Variants in FCHSD2 observed in about 807,000 individuals in gnomAD.
The protein encoded by FCHSD2 is F-BAR and double SH3 domains protein 2.
Under a neutral mutation model 108.1 loss-of-function variants are expected in FCHSD2, and 38 were observed. The observed-to-expected ratio is 0.35, with a 90% confidence interval of 0.27 to 0.46. FCHSD2 has a LOEUF of 0.46. Among genes scored for constraint, FCHSD2 ranks in the 20% least tolerant of loss-of-function variants. The pLI, the probability that FCHSD2 is intolerant of heterozygous loss-of-function variation, is 1.00. For synonymous variants in FCHSD2, 279 were observed against 314.7 expected (o/e 0.89, Z 1.20); for missense variants, 751 against 897.8 (o/e 0.84, Z 2.09).
In FCHSD2 at chr11:73,066,810, G is replaced by T. The variant is rs375264770; in HGVS notation, c.165+16885C>A. On this transcript the variant is annotated intron_variant, in intron 3 of 19. Transcript: ENST00000409418. ...ATTATCTCACGCCAGTTAGAATGGC[G>T]ATCATTAAAAAGTCAGGAAACAACA... 1.6e-3 allele frequency among the ~76,000 whole-genome samples: 239 copies of T among 152,230 alleles called. 5 individuals carry two copies. The South Asian group carries it at 0.048, about 31-fold the overall frequency.
Position 73,142,098 on chromosome 11 carries a change from T to G in FCHSD2, c.-221A>C. Reference sequence around the variant, plus strand: ...ACGAGGGAGGAGCACCGGGAAGGCTTGGGGCCCGGGCGGCCCGGGCGGCCC... The same window carrying G: ...ACGAGGGAGGAGCACCGGGAAGGCTGGGGGCCCGGGCGGCCCGGGCGGCCC... On this transcript the variant is annotated 5_prime_UTR_variant, in exon 1 of 20. Coordinates refer to ENST00000409418, the MANE Select transcript of FCHSD2 (RefSeq NM_014824.3). 42 of 394,374 alleles carry G rather than the reference T, an allele frequency of 1.1e-4. No individual in the cohort carries two copies. The highest frequency in any genetic ancestry group is 1.5e-4 in the East Asian group (3 of 19,698). 24.4% of individuals were successfully genotyped at this position (394,374 alleles called of 1,614,324 possible). A position where few individuals can be genotyped will look rare whatever the true frequency, so the allele number is the denominator to read the frequency against.
chr11:72,909,863 T>C (rs868490728), intron 9 of FCHSD2, among the ~76,000 whole-genome samples: 41 of 89,214 alleles, frequency 4.6e-4, no homozygotes, highest in South Asian at 7.9e-4. Context: ...AAGTGAGGAG[T>C]GCCTCTGCCC....
intron 13 of FCHSD2, among the ~76,000 whole-genome samples, chr11:72,853,094 C>T (rs1861333424): frequency 6.6e-6 from 1 of 152,118 alleles, no homozygotes; most frequent in South Asian, 2.1e-4. Flanking sequence ...CCCCATGACA[C>T]GAGTTTACCT....
intron 9 of FCHSD2, among the ~76,000 whole-genome samples, chr11:72,906,514 G>A (rs1224496749): frequency 6.6e-6 from 1 of 152,178 alleles, no homozygotes; most frequent in Non-Finnish European, 1.5e-5. Flanking sequence ...CCTATGTCCT[G>A]AATGGTATTG....
At chr11:73,122,753 C>T (rs1860764596) in intron 2 of FCHSD2, among the ~76,000 whole-genome samples, 1 of 152,144 alleles carries the variant, frequency 6.6e-6, no homozygotes, top group South Asian at 2.1e-4. Context: ...CTCTATTGGA[C>T]TCTGTGAAAT....
At chr11:73,059,332 T>C (rs1859107926) in intron 3 of FCHSD2, among the ~76,000 whole-genome samples, 1 of 152,184 alleles carries the variant, frequency 6.6e-6, no homozygotes, top group African/African-American at 2.4e-5. Flanking sequence ...TAAAGTTGTT[T>C]CCTTTTTAAA....
intron 8 of FCHSD2, among the ~76,000 whole-genome samples, chr11:72,941,587 GA>G (rs1182278805): frequency 6.6e-6 from 1 of 151,890 alleles, no homozygotes; most frequent in Non-Finnish European, 1.5e-5. Flanking sequence ...TAAACAACAT[GA>G]AATAAAAATG....
intron 4 of FCHSD2, among the ~76,000 whole-genome samples, chr11:73,010,656 G>A (rs553941149): frequency 1.3e-5 from 2 of 152,358 alleles, no homozygotes; most frequent in South Asian, 4.1e-4. Context: ...GCTATGAACA[G>A]TGTCAGTGGT....
intron 8 of FCHSD2, among the ~76,000 whole-genome samples, chr11:72,980,745 T>C (rs1857200555): frequency 6.6e-6 from 1 of 150,776 alleles, no homozygotes; most frequent in South Asian, 2.1e-4. Context: ...TATATATGTG[T>C]GTGTATATAT....
At chr11:73,096,987 A>ATTTTTTTTTGTTTTTTTTTTTTT (rs1860097472) in intron 2 of FCHSD2, among the ~76,000 whole-genome samples, 1 of 27,020 alleles carries the variant, frequency 3.7e-5, no homozygotes, top group Non-Finnish European at 5.6e-5. Context: ...TCATTGATGG[A>ATTTTTTTTTGTTTTTTTTTTTTT]TTTTTTTTTT....
At chr11:73,080,296 C>CAAAAAAAA (rs370633105) in intron 3 of FCHSD2, among the ~76,000 whole-genome samples, 90 of 51,480 alleles carry the variant, frequency 1.7e-3, no homozygotes, top group Non-Finnish European at 2.4e-3. Flanking sequence ...GACCCTGTCT[C>CAAAAAAAA]AAAAAAAAAA....
chr11:73,055,242 T>C (rs2135480936), intron 3 of FCHSD2, among the ~76,000 whole-genome samples: 1 of 151,562 alleles, frequency 6.6e-6, no homozygotes, highest in African/African-American at 2.4e-5. Context: ...TTATGGGAGC[T>C]ACAATTCAAG....
chr11:73,119,955 C>T (rs1565099648), intron 2 of FCHSD2, among the ~76,000 whole-genome samples: 1 of 152,216 alleles, frequency 6.6e-6, no homozygotes, highest in South Asian at 2.1e-4. Context: ...TACAGTTCCA[C>T]ATGGCTGGGG....
At chr11:73,073,130 G>A (rs764415265) in intron 3 of FCHSD2, among the ~76,000 whole-genome samples, 4 of 152,202 alleles carry the variant, frequency 2.6e-5, no homozygotes, top group Non-Finnish European at 5.9e-5. Context: ...AGCAATTTCA[G>A]TTTGAGTACT....
chr11:73,088,652 T>C (rs1859882200), intron 2 of FCHSD2, among the ~76,000 whole-genome samples: 1 of 152,214 alleles, frequency 6.6e-6, no homozygotes, highest in South Asian at 2.1e-4. Flanking sequence ...ACACACTTTT[T>C]TTACACTCAT....
intron 2 of FCHSD2, among the ~76,000 whole-genome samples, chr11:73,091,890 A>C (rs1313431803): frequency 6.6e-6 from 1 of 151,692 alleles, no homozygotes; most frequent in Non-Finnish European, 1.5e-5. Context: ...AAATACAAAA[A>C]ATTAGCTGGT....
intron 8 of FCHSD2, among the ~76,000 whole-genome samples, chr11:72,981,545 G>A (rs1857216030): frequency 6.6e-6 from 1 of 152,188 alleles, no homozygotes; most frequent in South Asian, 2.1e-4. Context: ...ATACAGCTTT[G>A]ATATAATAGT....
intron 8 of FCHSD2, among the ~76,000 whole-genome samples, chr11:72,934,232 C>T (rs1043318825): frequency 2.0e-5 from 3 of 150,364 alleles, no homozygotes; most frequent in African/African-American, 7.3e-5. Context: ...TAGCATTTTA[C>T]ATTTAAATGA....
chr11:72,988,826 G>T, intron 6 of FCHSD2, 138 bp downstream of exon 6: 1 of 574,560 alleles, frequency 1.7e-6, no homozygotes, highest in Non-Finnish European at 2.9e-6. Flanking sequence ...GTGACCTAAA[G>T]TATATAACAC....
Sources: gnomAD v4.1 joint callset for allele counts (sites outside exome capture counted in the v4.1 genomes callset) on GRCh38, gnomAD v4.1.1 for gene constraint, MANE v1.5 for transcripts, NCBI Gene and HGNC (gene_info 2026-07-23, HGNC 2026-07-21) for gene names.